The following SIAH3 variants were observed in gnomAD, a reference collection of about 807,000 sequenced individuals.
The protein encoded by SIAH3 is siah E3 ubiquitin protein ligase family member 3.
A neutral mutation model predicts 12.6 loss-of-function variants in SIAH3; 9 were observed. The ratio of observed to expected loss-of-function variants is 0.72; its 90% confidence interval spans 0.43 to 1.25. The LOEUF is 1.25. SIAH3 is among the 50% of genes most tolerant of loss of function. The pLI, the probability that SIAH3 is intolerant of heterozygous loss-of-function variation, is 0.00. For missense variants in SIAH3, 390 were observed against 365.4 expected (o/e 1.07, Z -0.55); for synonymous variants, 154 against 151.1 (o/e 1.02, Z -0.14).
chr13:45,826,409 A>T (rs1950676110), intron 1 of SIAH3, among the ~76,000 whole-genome samples: 7 of 86,996 alleles, frequency 8.0e-5, no homozygotes, highest in South Asian at 6.8e-4. Flanking sequence ...GGATGGATGG[A>T]TGGATGGATG....
chr13:45,822,546 T>C (rs1950659692), intron 1 of SIAH3, among the ~76,000 whole-genome samples: 1 of 132,992 alleles, frequency 7.5e-6, no homozygotes, highest in South Asian at 2.4e-4. Flanking sequence ...TATATATATA[T>C]ATATATATAT....
chr13:45,829,441 A>G (rs1237868140), intron 1 of SIAH3, among the ~76,000 whole-genome samples: 1 of 152,088 alleles, frequency 6.6e-6, no homozygotes, highest in African/African-American at 2.4e-5. Flanking sequence ...TGTCTCTGCA[A>G]AAAATAATAA....
At chr13:45,809,385 C>T (rs546580722) in intron 1 of SIAH3, among the ~76,000 whole-genome samples, 12 of 152,316 alleles carry the variant, frequency 7.9e-5, no homozygotes, top group African/African-American at 1.4e-4. Flanking sequence ...TTATAACAGA[C>T]GGCCCAGATA....
chr13:45,849,272 T>C (rs1593391099), intron 1 of SIAH3, among the ~76,000 whole-genome samples: 1 of 152,176 alleles, frequency 6.6e-6, no homozygotes, highest in Non-Finnish European at 1.5e-5. Context: ...AAGTGGTTTT[T>C]TTGTGTGCGA....
intron 1 of SIAH3, among the ~76,000 whole-genome samples, chr13:45,820,358 T>C (rs1950651385): frequency 6.6e-6 from 1 of 152,064 alleles, no homozygotes; most frequent in Non-Finnish European, 1.5e-5. Context: ...GAGCCAGAGA[T>C]GGGACGAGAA....
At chr13:45,822,074 G>A (rs74071838) in intron 1 of SIAH3, among the ~76,000 whole-genome samples, 3,660 of 152,176 alleles carry the variant, frequency 0.024, 133 homozygotes, top group African/African-American at 0.081. Flanking sequence ...GTGACACGTG[G>A]ACCCAGAGTG....
At chr13:45,784,569 G>GGCGCCCTTCTCCT (rs149431443) in intron 1 of SIAH3, among the ~76,000 whole-genome samples, 18,020 of 151,692 alleles carry the variant, frequency 0.12, 1,351 homozygotes, top group Non-Finnish European at 0.18. Context: ...TCCTGTCTTG[G>GGCGCCCTTCTCCT]GCGCCCTTCT....
chr13:45,783,537 C>A lies in SIAH3; in HGVS notation c.656G>T (p.Arg219Leu). 2.5e-6 allele frequency: 4 copies of A among 1,614,198 alleles called. No individual in the cohort carries two copies. The highest frequency in any genetic ancestry group is 3.4e-6 in the Non-Finnish European group (4 of 1,180,036). ...CGAGTCCACGCACTCAAGAACAGAC[C>A]GGGGCGTGGCCTCCCACTTGAGGCG... ...HRRLKWEATP[R>L]SVLECVDSVI... Residue 219 changes from arginine (R) to leucine (L), a missense_variant, in exon 2 of 2, where the codon CGG becomes CTG. Transcript: ENST00000400405.
Position 45,778,698 on chromosome 13 carries a change from C to T in SIAH3, c.*4685G>A, listed in dbSNP as rs548483489. Reference sequence around the variant, plus strand: ...AGTCAACCCTCTGTATCCACATGTTCCACACCTGTGGATTCCACCAACTGT... The same window carrying T: ...AGTCAACCCTCTGTATCCACATGTTTCACACCTGTGGATTCCACCAACTGT... On this transcript the variant is annotated 3_prime_UTR_variant, in exon 2 of 2. Transcript: ENST00000400405. 6.6e-6 allele frequency: 1 copy of T among 152,124 alleles called. No homozygotes were observed. The highest frequency in any genetic ancestry group is 6.5e-5 in the Admixed American group (1 of 15,290). 9.4% of individuals were successfully genotyped at this position (152,124 alleles called of 1,614,324 possible). A position where few individuals can be genotyped will look rare whatever the true frequency, so the allele number is the denominator to read the frequency against.
intron 1 of SIAH3, among the ~76,000 whole-genome samples, chr13:45,801,033 C>G (rs548850531): frequency 5.8e-4 from 84 of 144,610 alleles, no homozygotes; most frequent in Middle Eastern, 3.7e-3. Flanking sequence ...CTACTAGGAT[C>G]CATCAGCATA....
At chr13:45,835,922 C>T (rs562577809) in intron 1 of SIAH3, among the ~76,000 whole-genome samples, 77 of 152,334 alleles carry the variant, frequency 5.1e-4, no homozygotes, top group Non-Finnish European at 9.0e-4. Context: ...TGATAACACG[C>T]TTAGTTTTCC....
At chr13:45,851,380 G>T in intron 1 of SIAH3, 115 bp downstream of exon 1, 1 of 1,397,272 alleles carries the variant, frequency 7.2e-7, no homozygotes. Context: ...CACCGTCCCA[G>T]CCCCCGAGAC....
chr13:45,851,075 C>T (rs1593391659), intron 1 of SIAH3, among the ~76,000 whole-genome samples: 1 of 148,626 alleles, frequency 6.7e-6, no homozygotes, highest in South Asian at 2.1e-4. Flanking sequence ...CTAAAATCCT[C>T]GTGTTTGACC....
chr13:45,843,893 C>T (rs906648477), intron 1 of SIAH3, among the ~76,000 whole-genome samples: 1 of 152,168 alleles, frequency 6.6e-6, no homozygotes, highest in African/African-American at 2.4e-5. Flanking sequence ...CAGTCCCAAA[C>T]ATCATAATCC....
intron 1 of SIAH3, among the ~76,000 whole-genome samples, chr13:45,793,911 G>C (rs186301336): frequency 6.6e-6 from 1 of 152,292 alleles, no homozygotes; most frequent in East Asian, 1.9e-4. Flanking sequence ...CTAAATCCAA[G>C]GACAGTGTTC....
At chr13:45,805,561 A>G (rs567510616) in intron 1 of SIAH3, among the ~76,000 whole-genome samples, 4 of 152,254 alleles carry the variant, frequency 2.6e-5, no homozygotes, top group Admixed American at 1.3e-4. Flanking sequence ...ACCTTTCGCC[A>G]TATATAAAAA....
At chr13:45,809,647 G>T (rs906787771) in intron 1 of SIAH3, among the ~76,000 whole-genome samples, 2 of 152,078 alleles carry the variant, frequency 1.3e-5, no homozygotes, top group Admixed American at 1.3e-4. Context: ...TTTTAAAAAA[G>T]TAAGGTAAAA....
At chr13:45,796,145 C>T (rs888538525) in intron 1 of SIAH3, among the ~76,000 whole-genome samples, 19 of 151,964 alleles carry the variant, frequency 1.3e-4, no homozygotes, top group African/African-American at 3.4e-4. Context: ...GGTGGTGGCT[C>T]TATGGATATG....
chr13:45,808,841 T>C (rs1950606961), intron 1 of SIAH3, among the ~76,000 whole-genome samples: 1 of 152,208 alleles, frequency 6.6e-6, no homozygotes, highest in South Asian at 2.1e-4. Flanking sequence ...AGAATATATA[T>C]TAAATTCAGT....
Sources: gnomAD v4.1 joint callset for allele counts (sites outside exome capture counted in the v4.1 genomes callset) on GRCh38, gnomAD v4.1.1 for gene constraint, MANE v1.5 for transcripts, NCBI Gene and HGNC (gene_info 2026-07-23, HGNC 2026-07-21) for gene names.